The following GALNTL6 variants were observed in gnomAD, a reference collection of about 807,000 sequenced individuals.
The protein encoded by GALNTL6 is polypeptide N-acetylgalactosaminyltransferase like 6.
Under a neutral mutation model 73.7 loss-of-function variants are expected in GALNTL6, and 46 were observed. That is an observed-to-expected ratio of 0.62 (90% confidence interval 0.49 to 0.80). GALNTL6 has a LOEUF of 0.80. Among genes scored for constraint, GALNTL6 ranks in the 30% least tolerant of loss-of-function variants. The pLI is 0.00. For missense variants in GALNTL6, 604 were observed against 755.0 expected (o/e 0.80, Z 2.34); for synonymous variants, 259 against 263.7 (o/e 0.98, Z 0.17).
chr4:172,428,392 G>C (rs931220424), intron 5 of GALNTL6, among the ~76,000 whole-genome samples: 1 of 152,126 alleles, frequency 6.6e-6, no homozygotes, highest in African/African-American at 2.4e-5. Context: ...TTTACTTGAA[G>C]AGTCCATAAA....
chr4:171,861,978 CTT>C (rs1239611792), intron 2 of GALNTL6, among the ~76,000 whole-genome samples: 1 of 152,112 alleles, frequency 6.6e-6, no homozygotes, highest in Non-Finnish European at 1.5e-5. Flanking sequence ...AATTATTTCA[CTT>C]ATTCTTTCCA....
chr4:172,564,239 A>T (rs1429533749), intron 5 of GALNTL6, among the ~76,000 whole-genome samples: 2 of 152,240 alleles, frequency 1.3e-5, no homozygotes, highest in Admixed American at 1.3e-4. Flanking sequence ...TTCATAAAAA[A>T]GTGTCATATT....
chr4:172,792,890 G>T (rs1349116040), intron 5 of GALNTL6, among the ~76,000 whole-genome samples: 1 of 151,542 alleles, frequency 6.6e-6, no homozygotes, highest in Non-Finnish European at 1.5e-5. Flanking sequence ...TCTAATTCAG[G>T]TTCCAGGATC....
intron 2 of GALNTL6, among the ~76,000 whole-genome samples, chr4:171,863,404 AAT>A (rs2110882369): frequency 6.6e-6 from 1 of 152,350 alleles, no homozygotes; most frequent in Admixed American, 6.5e-5. Context: ...AAATAAAAGA[AAT>A]AGAATTTCTG....
At chr4:172,824,598 T>C (rs1170457264) in intron 7 of GALNTL6, among the ~76,000 whole-genome samples, 1 of 152,114 alleles carries the variant, frequency 6.6e-6, no homozygotes, top group Non-Finnish European at 1.5e-5. Context: ...ACAAAGTGGA[T>C]ACATATAAAT....
intron 10 of GALNTL6, among the ~76,000 whole-genome samples, chr4:172,989,401 G>A (rs1182681877): frequency 6.6e-6 from 1 of 152,150 alleles, no homozygotes; most frequent in African/African-American, 2.4e-5. Flanking sequence ...CATTTCAGGG[G>A]ACTGTTGAAA....
intron 5 of GALNTL6, among the ~76,000 whole-genome samples, chr4:172,625,613 A>G (rs1345344099): frequency 6.6e-6 from 1 of 152,106 alleles, no homozygotes; most frequent in Admixed American, 6.6e-5. Flanking sequence ...TGCTTTCCAC[A>G]GTGGCTAAGC....
At chr4:172,631,051 C>T (rs1327310543) in intron 5 of GALNTL6, among the ~76,000 whole-genome samples, 2 of 151,436 alleles carry the variant, frequency 1.3e-5, no homozygotes, top group African/African-American at 2.4e-5. Context: ...AATGAAACAT[C>T]AACCAATGAA....
chr4:172,848,169 C>T (rs1290833373), intron 7 of GALNTL6, among the ~76,000 whole-genome samples: 1 of 152,126 alleles, frequency 6.6e-6, no homozygotes, highest in African/African-American at 2.4e-5. Context: ...AAAGTTATGA[C>T]CTATGTCTCG....
chr4:171,935,889 C>T (rs1463356569), intron 2 of GALNTL6, among the ~76,000 whole-genome samples: 1 of 151,944 alleles, frequency 6.6e-6, no homozygotes, highest in Non-Finnish European at 1.5e-5. Context: ...TCTTTTTTAC[C>T]AATACCTAGT....
chr4:171,872,774 A>G (rs1488831047), intron 2 of GALNTL6, among the ~76,000 whole-genome samples: 1 of 152,152 alleles, frequency 6.6e-6, no homozygotes, highest in Non-Finnish European at 1.5e-5. Flanking sequence ...CACCTGAAAG[A>G]TTTCATTTTA....
intron 2 of GALNTL6, among the ~76,000 whole-genome samples, chr4:172,033,251 A>G (rs950181293): frequency 1.3e-5 from 2 of 152,070 alleles, no homozygotes; most frequent in African/African-American, 2.4e-5. Flanking sequence ...AACATTCACT[A>G]TATGTAACCT....
chr4:172,278,939 C>A (rs1332822634), intron 3 of GALNTL6, among the ~76,000 whole-genome samples: 1 of 152,074 alleles, frequency 6.6e-6, no homozygotes. Context: ...TGATTTTCAA[C>A]AAGGGTGCCA....
chr4:172,536,178 A>G (rs1735339427), intron 5 of GALNTL6, among the ~76,000 whole-genome samples: 1 of 152,164 alleles, frequency 6.6e-6, no homozygotes, highest in African/African-American at 2.4e-5. Flanking sequence ...TGTGGATCTG[A>G]GTCCACTAAA....
chr4:171,958,242 A>G (rs1739115338), intron 2 of GALNTL6, among the ~76,000 whole-genome samples: 1 of 152,164 alleles, frequency 6.6e-6, no homozygotes, highest in Admixed American at 6.5e-5. Flanking sequence ...TGTGATATCC[A>G]CAGATATTGA....
intron 2 of GALNTL6, among the ~76,000 whole-genome samples, chr4:172,000,691 C>T (rs1159697771): frequency 6.6e-6 from 1 of 152,056 alleles, no homozygotes; most frequent in Non-Finnish European, 1.5e-5. Flanking sequence ...AAAATATATC[C>T]ACAGACACCT....
chr4:172,276,694 T>A (rs1738843743), intron 3 of GALNTL6, among the ~76,000 whole-genome samples: 1 of 152,172 alleles, frequency 6.6e-6, no homozygotes, highest in Admixed American at 6.5e-5. Flanking sequence ...GTGTTTGTAT[T>A]TGCCTGTGTT....
chr4:171,837,051 T>C (rs1187613822), intron 2 of GALNTL6, among the ~76,000 whole-genome samples: 1 of 152,144 alleles, frequency 6.6e-6, no homozygotes, highest in African/African-American at 2.4e-5. Context: ...AGGAGGAATA[T>C]TGGCAGACAC....
rs144125580 is a variant in GALNTL6 at position 172,082,746 on chromosome 4, A to C, written c.139-146910A>C. Among the ~76,000 whole-genome samples, 594 of 152,308 alleles carry C rather than the reference A, an allele frequency of 3.9e-3. 3 individuals carry two copies. The highest frequency in any genetic ancestry group is 6.9e-3 in the Non-Finnish European group (470 of 68,020). Reference sequence around the variant, plus strand: ...GCGGTCACATGAGATTTTAGCAAGAATCACGTCAGCAGAGTCGTGAAGCTC... The same window carrying C: ...GCGGTCACATGAGATTTTAGCAAGACTCACGTCAGCAGAGTCGTGAAGCTC... On this transcript the variant is annotated intron_variant, in intron 2 of 12. Coordinates refer to ENST00000506823, the MANE Select transcript of GALNTL6 (RefSeq NM_001034845.3).
Sources: allele counts gnomAD v4.1 joint callset (sites outside exome capture counted in the v4.1 genomes callset), GRCh38; gene constraint gnomAD v4.1.1; transcripts MANE v1.5; gene names NCBI Gene and HGNC (gene_info 2026-07-23, HGNC 2026-07-21).